Variants in E2F6 observed in about 807,000 individuals in gnomAD.
The protein encoded by E2F6 is transcription factor E2F6.
E2F6 carries 19 observed loss-of-function variants against 31.5 expected under a neutral mutation model. That is an observed-to-expected ratio of 0.60 (90% CI 0.42 to 0.89). The LOEUF (loss-of-function observed/expected upper bound fraction) is 0.89. Among genes scored for constraint, E2F6 ranks in the 40% least tolerant of loss-of-function variants. E2F6 has a pLI of 0.00. For synonymous variants in E2F6, 121 were observed against 127.7 expected, an observed-to-expected ratio of 0.95 and a Z score of 0.36; for missense variants, 269 against 341.6, an observed-to-expected ratio of 0.79 and a Z score of 1.67.
chr2:11,458,454 C>T (rs2148354440), intron 1 of E2F6: 1 of 1,220,112 alleles, frequency 8.2e-7, no homozygotes, highest in Non-Finnish European at 1.2e-6. Flanking sequence ...ACTGAAGTGG[C>T]CAGTGTGTAA....
At chr2:11,463,234 C>T (rs751121852) in intron 1 of E2F6, among the ~76,000 whole-genome samples, 1 of 152,260 alleles carries the variant, frequency 6.6e-6, no homozygotes, top group Non-Finnish European at 1.5e-5. Context: ...CCGCTGCCAC[C>T]CCTTAGAGAG....
chr2:11,449,968 C>G, intron 5 of E2F6, 44 bp downstream of exon 5: 3 of 1,483,354 alleles, frequency 2.0e-6, no homozygotes, highest in Non-Finnish European at 2.8e-6. Flanking sequence ...AGCAGTCGGC[C>G]CTCATCCCTC....
At chr2:11,457,328 G>T in intron 1 of E2F6, 95 bp from the exon 2 acceptor site, 1 of 803,032 alleles carries the variant, frequency 1.2e-6, no homozygotes, top group Non-Finnish European at 2.0e-6. Flanking sequence ...CTGGGAATAT[G>T]AATATGATAA....
chr2:11,451,905 T>A, intron 3 of E2F6, 99 bp from the exon 4 acceptor site: 1 of 1,187,482 alleles, frequency 8.4e-7, no homozygotes, highest in Non-Finnish European at 1.2e-6. Context: ...TTGCCATAAG[T>A]GTTTTCCACA....
chr2:11,450,128 T>C lies in E2F6; in HGVS notation c.537-2A>G. ...TCTTGATAGGTCACATATGCTAGTG[T>C]AAAACTCAGTCAAGGATCTCTACAC... On this transcript the variant is annotated splice_acceptor_variant, in intron 4 of 6. Coordinates refer to ENST00000381525, the MANE Select transcript of E2F6 (RefSeq NM_198256.4). LOFTEE classifies it high-confidence loss of function. The C allele has an allele frequency of 6.3e-7, 1 of 1,598,304 alleles. No homozygotes were observed. The highest frequency in any genetic ancestry group is 8.6e-7 in the Non-Finnish European group (1 of 1,167,256).
chr2:11,457,682 G>A lies in E2F6; in HGVS notation c.109-449C>T, dbSNP rs1671494337. Among the ~76,000 whole-genome samples, 4 of 152,044 alleles carry A rather than the reference G, an allele frequency of 2.6e-5. No individual in the cohort carries two copies. In the South Asian group the frequency reaches 8.3e-4, roughly 32 times the overall value. On this transcript the variant is annotated intron_variant, in intron 1 of 6. Coordinates refer to ENST00000381525, the MANE Select transcript of E2F6 (RefSeq NM_198256.4). ...CACACAAAATATACTGAATACATCA[G>A]GTACGATCATTACAACACTGTCCCT...
chr2:11,453,448 A>G, intron 3 of E2F6, 134 bp downstream of exon 3: 1 of 847,146 alleles, frequency 1.2e-6, no homozygotes, highest in East Asian at 2.6e-5. Context: ...AGAAAATTTT[A>G]TAGAATTCTC....
intron 4 of E2F6, among the ~76,000 whole-genome samples, chr2:11,450,354 C>T (rs1670985235): frequency 6.6e-6 from 1 of 151,698 alleles, no homozygotes; most frequent in Admixed American, 6.6e-5. Context: ...TACAACACAA[C>T]CTAAAGAGTT....
rs973168179 is a variant in E2F6 at position 11,461,532 on chromosome 2, T to A, written c.108+4240A>T. On this transcript the variant is annotated intron_variant, in intron 1 of 6. Transcript: ENST00000381525. ...AAGCCTGGCTAATTTTTTGTATTTTTAGTAGAAACGGGGTTTCACCACATT... is the reference window on the plus strand; with the variant it reads ...AAGCCTGGCTAATTTTTTGTATTTTAAGTAGAAACGGGGTTTCACCACATT... Among the ~76,000 whole-genome samples the A allele has an allele frequency of 3.3e-5, 5 of 152,176 alleles. No homozygotes were observed. The East Asian group carries it at 7.7e-4, about 23-fold the overall frequency.
Position 11,445,945 on chromosome 2 carries a change from C to CAT in E2F6, c.*530_*531dup, listed in dbSNP as rs1483223902. 1.3e-5 allele frequency: 2 copies of CAT among 152,570 alleles called. No homozygotes were observed. The highest frequency in any genetic ancestry group is 4.8e-5 in the African/African-American group (2 of 41,372). The allele number at this position is 152,570 out of a possible 1,614,324, so 9.5% of individuals were successfully genotyped here. On this transcript the variant is annotated 3_prime_UTR_variant, in exon 7 of 7. Coordinates refer to ENST00000381525, the MANE Select transcript of E2F6 (RefSeq NM_198256.4). ...ATTAGAGAATTTGTCTGTCACTTTC[C>CAT]ATATATACATTATTTTGGCTGTACA...
intron 2 of E2F6, among the ~76,000 whole-genome samples, chr2:11,454,220 G>A (rs1671252688): frequency 6.6e-6 from 1 of 152,146 alleles, no homozygotes; most frequent in African/African-American, 2.4e-5. Context: ...AGAATTGGCG[G>A]CTTTTTTTCC....
rs537491718 is a variant in E2F6, at chr2:11,447,631, C to T, written c.795G>A (p.Glu265=). ...SSESTHPEGP[E]EEENPQQSEE... ...CAGAATCACTGGTATATTTACCTTC[C>T]TCAGGGCCTTCTGGATGAGTGCTCT... is the stretch of plus-strand genomic sequence containing the variant. Residue 265 remains glutamate (E), a synonymous_variant, in exon 6 of 7, where the codon GAG becomes GAA. Transcript: ENST00000381525. The T allele has an allele frequency of 3.7e-6, 6 of 1,611,802 alleles. No homozygotes were observed. In the Admixed American group the frequency reaches 5.0e-5, roughly 13 times the overall value.
At chr2:11,465,564 T>C (rs991795487) in intron 1 of E2F6, among the ~76,000 whole-genome samples, 26 of 152,232 alleles carry the variant, frequency 1.7e-4, no homozygotes, top group Non-Finnish European at 2.8e-4. Flanking sequence ...AGTTCCGATG[T>C]AAAAGCCTAG....
In E2F6 at chr2:11,444,679, A is replaced by C. The variant is rs1326192191; in HGVS notation, c.*1798T>G. The C allele has an allele frequency of 1.4e-5, 2 of 146,358 alleles. No homozygotes were observed. Among genetic ancestry groups the C allele is most frequent in the African/African-American group, 5.1e-5 (2 of 39,256 alleles). The allele number at this position is 146,358 out of a possible 1,614,324, so 9.1% of individuals were successfully genotyped here. On this transcript the variant is annotated 3_prime_UTR_variant, in exon 7 of 7. Coordinates refer to ENST00000381525, the MANE Select transcript of E2F6 (RefSeq NM_198256.4). ...CTGTACTCTTTAGATGACCTCTCCT[A>C]CTCTTGTGGCTTAAACTATCGCATC... is the stretch of plus-strand genomic sequence containing the variant.
intron 1 of E2F6, among the ~76,000 whole-genome samples, chr2:11,459,183 C>A (rs1671605442): frequency 6.6e-6 from 1 of 152,090 alleles, no homozygotes; most frequent in Non-Finnish European, 1.5e-5. Context: ...CTCAGAGGGG[C>A]CTTGCTGCAG....
At position 11,453,618 on chromosome 2, in the gene E2F6, A is replaced by T; in HGVS notation, c.344T>A (p.Leu115His). ...ATGGTTCTTGGATTTCTTTTCAACG[A>T]GGTCGATTCCATCTAAGACATTGGT... ...DITNVLDGID[L>H]VEKKSKNHIR... The change falls in exon 3 of 7, where the codon CTC (leucine) becomes CAC (histidine). Residue 115 changes from leucine (L) to histidine (H), a missense_variant. Coordinates refer to ENST00000381525, the MANE Select transcript of E2F6 (RefSeq NM_198256.4). 6.2e-7 allele frequency: 1 copy of T among 1,614,174 alleles called. No homozygotes were observed.
chr2:11,449,967 C>G, intron 5 of E2F6, 45 bp downstream of exon 5: 67 of 1,455,446 alleles, frequency 4.6e-5, no homozygotes, highest in Non-Finnish European at 5.6e-5. Context: ...AAGCAGTCGG[C>G]CCTCATCCCT....
intron 2 of E2F6, among the ~76,000 whole-genome samples, chr2:11,455,138 G>T (rs1262574724): frequency 6.6e-6 from 1 of 152,104 alleles, no homozygotes; most frequent in Non-Finnish European, 1.5e-5. Context: ...AGTATACACG[G>T]GCCTCATCTC....
At chr2:11,463,163 T>C (rs1160595248) in intron 1 of E2F6, among the ~76,000 whole-genome samples, 1 of 152,234 alleles carries the variant, frequency 6.6e-6, no homozygotes, top group Non-Finnish European at 1.5e-5. Context: ...AATATACAGC[T>C]GACCCTCAAA....
Sources: gnomAD v4.1 joint callset for allele counts (sites outside exome capture counted in the v4.1 genomes callset) on GRCh38, gnomAD v4.1.1 for gene constraint, MANE v1.5 for transcripts, NCBI Gene and HGNC (gene_info 2026-07-23, HGNC 2026-07-21) for gene names.